Variants in NCOR2 observed in about 807,000 individuals in gnomAD.
The protein encoded by NCOR2 is CTG repeat protein 26.
In NCOR2, 81 loss-of-function variants were observed where a neutral mutation model predicts 262.9. That is an observed-to-expected ratio of 0.31 (90% CI 0.26 to 0.37). The LOEUF is 0.37. Ranked by LOEUF, NCOR2 falls within the 10% of genes least tolerant of loss-of-function variation. The probability of loss-of-function intolerance (pLI) is 1.00; values close to 1 mark genes in which losing one functional copy is unlikely to be tolerated. For missense variants in NCOR2, 3,385 were observed against 3,621.4 expected (o/e 0.93, Z 1.68); for synonymous variants, 1,659 against 1,559.3 (o/e 1.06, Z -1.51).
chr12:124,418,511 A>C (rs1292985780), intron 13 of NCOR2, among the ~76,000 whole-genome samples: 1 of 152,156 alleles, frequency 6.6e-6, no homozygotes, highest in Non-Finnish European at 1.5e-5. Context: ...AGAGGGTGCC[A>C]CTATAGGGAG....
rs2037834759 is a variant in NCOR2, at chr12:124,355,001, G to A, written c.3382-62C>T. Reference sequence around the variant, plus strand: ...TGGTCCCTCCCCCACAGTCCAGAGTGCCTGACGCTCCTGTTCAAAAAGCCC... The same window carrying A: ...TGGTCCCTCCCCCACAGTCCAGAGTACCTGACGCTCCTGTTCAAAAAGCCC... On this transcript the variant is annotated intron_variant, in intron 24 of 46. Transcript: ENST00000405201. 19 of 1,409,964 alleles carry A rather than the reference G, an allele frequency of 1.3e-5. No homozygotes were observed. In the Admixed American group the frequency reaches 2.4e-4, roughly 18 times the overall value. 87.3% of individuals were successfully genotyped at this position (1,409,964 alleles called of 1,614,324 possible).
intron 7 of NCOR2, among the ~76,000 whole-genome samples, chr12:124,439,283 AG>A: frequency 8.9e-6 from 1 of 112,830 alleles, no homozygotes; most frequent in Non-Finnish European, 2.0e-5. Context: ...AGACAGAGGG[AG>A]AGAGAGACCC....
chr12:124,427,674 T>C (rs938626203), intron 10 of NCOR2, among the ~76,000 whole-genome samples: 22 of 152,146 alleles, frequency 1.4e-4, no homozygotes, highest in African/African-American at 5.1e-4. Context: ...CTGGCATCTG[T>C]CTCCCAGACC....
At chr12:124,502,986 C>T (rs965072015) in intron 1 of NCOR2, among the ~76,000 whole-genome samples, 2 of 152,208 alleles carry the variant, frequency 1.3e-5, no homozygotes, top group Non-Finnish European at 2.9e-5. Flanking sequence ...GGTCATTCCA[C>T]TCCCTAAGGA....
At chr12:124,558,017 G>A (rs923151429) in intron 1 of NCOR2, among the ~76,000 whole-genome samples, 7 of 152,030 alleles carry the variant, frequency 4.6e-5, no homozygotes, top group African/African-American at 9.7e-5. Context: ...AACCCCACCC[G>A]GCAGGCTCTC....
intron 3 of NCOR2, among the ~76,000 whole-genome samples, chr12:124,479,603 C>G (rs1303792080): frequency 6.6e-6 from 1 of 152,268 alleles, no homozygotes; most frequent in Non-Finnish European, 1.5e-5. Flanking sequence ...ACACCCTGGC[C>G]TGCTATCCAT....
chr12:124,325,555 CA>C lies in NCOR2; in HGVS notation c.7391del (p.Leu2464ArgfsTer110), dbSNP rs1320924956. 7.5e-7 allele frequency: 1 copy of C among 1,326,482 alleles called. No individual in the cohort carries two copies. Among genetic ancestry groups the C allele is most frequent in the Non-Finnish European group, 9.7e-7 (1 of 1,030,512 alleles). 82.2% of individuals were successfully genotyped at this position (1,326,482 alleles called of 1,614,324 possible). A position where few individuals can be genotyped will look rare whatever the true frequency, so the allele number is the denominator to read the frequency against. ...TGACACCCGCCTGCAGCCGCATGAT[CA>C]GGGGGTTGTAGGGGAATGGCGTGGA... On this transcript the variant is annotated frameshift_variant, in exon 47 of 47. Coordinates refer to ENST00000405201, the Ensembl canonical transcript of NCOR2. LOFTEE classifies it high-confidence loss of function.
At chr12:124,379,926 G>A (rs1004629844) in intron 17 of NCOR2, among the ~76,000 whole-genome samples, 3 of 152,210 alleles carry the variant, frequency 2.0e-5, no homozygotes, top group Non-Finnish European at 2.9e-5. Flanking sequence ...GCCAGCAGTC[G>A]CTGGAAGACG....
chr12:124,464,708 G>C (rs554177985), intron 5 of NCOR2, among the ~76,000 whole-genome samples: 1 of 152,202 alleles, frequency 6.6e-6, no homozygotes, highest in Non-Finnish European at 1.5e-5. Context: ...TACCCCTTTA[G>C]TCCCCACACC....
chr12:124,557,478 C>T (rs1432825948), intron 1 of NCOR2, among the ~76,000 whole-genome samples: 1 of 152,146 alleles, frequency 6.6e-6, no homozygotes, highest in Non-Finnish European at 1.5e-5. Flanking sequence ...GTCTTTTTGT[C>T]CTCTTATAAG....
chr12:124,551,785 C>T (rs1287520518), intron 1 of NCOR2, among the ~76,000 whole-genome samples: 4 of 152,154 alleles, frequency 2.6e-5, no homozygotes, highest in African/African-American at 7.2e-5. Flanking sequence ...GGGAAGGAGG[C>T]GCGGGCCGTT....
At chr12:124,421,758 C>A (rs1282247336) in intron 12 of NCOR2, among the ~76,000 whole-genome samples, 1 of 152,210 alleles carries the variant, frequency 6.6e-6, no homozygotes, top group Non-Finnish European at 1.5e-5. Context: ...GGGGAAGGCC[C>A]AGGGGCCACG....
rs541265510 is a variant in NCOR2, at chr12:124,479,115, G to A, written c.411+4481C>T. Among the ~76,000 whole-genome samples the A allele has an allele frequency of 5.3e-5, 8 of 152,254 alleles. 1 individual carries two copies. The East Asian group carries it at 1.2e-3, about 22-fold the overall frequency. On this transcript the variant is annotated intron_variant, in intron 3 of 46. Coordinates refer to ENST00000405201, the Ensembl canonical transcript of NCOR2. ...GCGGGCAGGCAGCAACTCACCCCTC[G>A]GGCCTGCTCTCTGCGCAGAGACAAA...
rs885025 is a variant in NCOR2, at chr12:124,548,489, A to G, written c.-164-12878T>C. Among the ~76,000 whole-genome samples, 54,954 of 151,866 alleles carry G rather than the reference A, an allele frequency of 0.36. 11,003 individuals carry two copies. The highest frequency in any genetic ancestry group is 0.5 in the Middle Eastern group (147 of 294). ...CCAGACGGCGACAGAGTGGGGGTCC[A>G]TCATGGTGCCTGGTCTGCCATTCTT... On this transcript the variant is annotated intron_variant, in intron 1 of 32. Coordinates refer to the NCOR2 transcript ENST00000458234. The surrounding 1 kb of genome is among the most constrained non-coding windows in gnomAD (Gnocchi z 5.1).
At chr12:124,404,586 C>A (rs973106849) in intron 13 of NCOR2, among the ~76,000 whole-genome samples, 1 of 152,226 alleles carries the variant, frequency 6.6e-6, no homozygotes, top group Non-Finnish European at 1.5e-5. Flanking sequence ...CAGCTCCACA[C>A]CCATCAGGCC....
exon 14 of NCOR2, chr12:124,402,490 C>T (rs1225285857): frequency 6.2e-7 from 1 of 1,608,638 alleles, no homozygotes; most frequent in South Asian, 1.1e-5. Context: ...CATCTTTCTC[C>T]TCCTGGCTGC....
At chr12:124,509,102 T>C (rs1261686179) in intron 1 of NCOR2, among the ~76,000 whole-genome samples, 1 of 151,904 alleles carries the variant, frequency 6.6e-6, no homozygotes, top group Non-Finnish European at 1.5e-5. Context: ...AGACACAGTG[T>C]CTCTGCCCAC....
At position 124,470,364 on chromosome 12, in the gene NCOR2, T is replaced by C. The variant is rs142031426; in HGVS notation, c.591+2588A>G. Among the ~76,000 whole-genome samples the C allele has an allele frequency of 4.9e-3, 750 of 152,244 alleles. 6 individuals are homozygous for C. The highest frequency in any genetic ancestry group is 0.016 in the African/African-American group (683 of 41,524). On this transcript the variant is annotated intron_variant, in intron 4 of 46. Coordinates refer to ENST00000405201, the Ensembl canonical transcript of NCOR2. ...AATTCTGCTCCTAGGTATACACCCA[T>C]GAGAACTGAAAACAGGTGTCCCAAC...
Position 124,402,236 on chromosome 12 carries a change from G to A in NCOR2, c.1640+168C>T, listed in dbSNP as rs983665743. ...GGGAGGAGGAGTAGGGCGATGGGTG[G>A]GCTTCCGGAAGGGGGGCTGTCAGGG... is the stretch of plus-strand genomic sequence containing the variant. On this transcript the variant is annotated intron_variant, in intron 14 of 46. Coordinates refer to ENST00000405201, the Ensembl canonical transcript of NCOR2. Among the ~76,000 whole-genome samples, 4 of 152,096 alleles carry A rather than the reference G, an allele frequency of 2.6e-5. 1 individual carries two copies. Among genetic ancestry groups the A allele is most frequent in the Admixed American group, 2.6e-4 (4 of 15,282 alleles).
Sources: allele counts gnomAD v4.1 joint callset (sites outside exome capture counted in the v4.1 genomes callset), GRCh38; gene constraint gnomAD v4.1.1; non-coding constraint Gnocchi (gnomAD v3.1); transcripts MANE v1.5; gene names NCBI Gene and HGNC (gene_info 2026-07-23, HGNC 2026-07-21).